The following BICD1 variants were observed in gnomAD, a reference collection of about 807,000 sequenced individuals.
BICD1 encodes the protein protein bicaudal D homolog 1.
In BICD1, 35 loss-of-function variants were observed where a neutral mutation model predicts 92.5. The observed-to-expected ratio is 0.38, with a 90% confidence interval of 0.29 to 0.50. BICD1 has a LOEUF of 0.50. Among genes scored for constraint, BICD1 ranks in the 20% least tolerant of loss-of-function variants. BICD1 has a pLI of 0.93. For synonymous variants in BICD1, 429 were observed against 465.1 expected (o/e 0.92, Z 1.00); for missense variants, 950 against 1,189.8 (o/e 0.80, Z 2.97).
chr12:32,207,887 G>C (rs1036394192), intron 1 of BICD1, among the ~76,000 whole-genome samples: 2 of 152,154 alleles, frequency 1.3e-5, no homozygotes, highest in Non-Finnish European at 2.9e-5. Flanking sequence ...CAAATGAGTA[G>C]GGAGCTGCTC....
intron 8 of BICD1, among the ~76,000 whole-genome samples, chr12:32,342,124 A>ATGTATATATATATGTGTGTATATATATC (rs1196895417): frequency 1.2e-5 from 1 of 83,850 alleles, no homozygotes; most frequent in African/African-American, 6.5e-5. Flanking sequence ...TTACATATAT[A>ATGTATATATATATGTGTGTATATATATC]TGTATATATA....
At chr12:32,302,404 C>G (rs1437317952) in intron 3 of BICD1, among the ~76,000 whole-genome samples, 1 of 152,084 alleles carries the variant, frequency 6.6e-6, no homozygotes, top group Non-Finnish European at 1.5e-5. Flanking sequence ...GAGCACACAC[C>G]AGCCTGGGGA....
chr12:32,363,480 T>C (rs1460932196), intron 8 of BICD1, among the ~76,000 whole-genome samples: 1 of 152,262 alleles, frequency 6.6e-6, no homozygotes, highest in Non-Finnish European at 1.5e-5. Context: ...AATTCCATTC[T>C]GATCATTTCA....
intron 4 of BICD1, among the ~76,000 whole-genome samples, chr12:32,323,354 A>G (rs574641629): frequency 6.6e-6 from 1 of 152,358 alleles, no homozygotes; most frequent in South Asian, 2.1e-4. Context: ...CAGCTAACCA[A>G]TTGTTCACAA....
intron 8 of BICD1, among the ~76,000 whole-genome samples, chr12:32,363,051 A>G (rs1297398477): frequency 6.6e-6 from 1 of 152,150 alleles, no homozygotes; most frequent in African/African-American, 2.4e-5. Context: ...CAGATAACAA[A>G]TGTAAAGTTT....
intron 1 of BICD1, among the ~76,000 whole-genome samples, chr12:32,191,598 TA>T (rs1944567648): frequency 6.8e-6 from 1 of 147,316 alleles, no homozygotes; most frequent in Non-Finnish European, 1.5e-5. Flanking sequence ...ATATAATATG[TA>T]ATATATATAA....
intron 1 of BICD1, among the ~76,000 whole-genome samples, chr12:32,132,956 T>C (rs149382468): frequency 5.9e-5 from 9 of 152,192 alleles, no homozygotes; most frequent in African/African-American, 1.9e-4. Context: ...GGGTATATGT[T>C]GAAAGATTTG....
intron 8 of BICD1, among the ~76,000 whole-genome samples, chr12:32,348,619 A>G (rs2136300333): frequency 6.6e-6 from 1 of 151,608 alleles, no homozygotes; most frequent in East Asian, 2.0e-4. Flanking sequence ...AGGGAGGAAC[A>G]GGTGGGCTGA....
intron 1 of BICD1, among the ~76,000 whole-genome samples, chr12:32,187,399 C>T (rs543379331): frequency 2.0e-5 from 3 of 152,202 alleles, no homozygotes; most frequent in East Asian, 1.9e-4. Context: ...ATGGGCTGGG[C>T]GCGGTGGCTC....
chr12:32,269,029 C>T (rs1947070980), intron 2 of BICD1, among the ~76,000 whole-genome samples: 1 of 152,094 alleles, frequency 6.6e-6, no homozygotes, highest in African/African-American at 2.4e-5. Context: ...ATTTGTAGGT[C>T]TGGGATGGGA....
rs535766050 is a variant in BICD1 at position 32,154,916 on chromosome 12, A to G, written c.213+47372A>G. Among the ~76,000 whole-genome samples, 5 of 152,252 alleles carry G rather than the reference A, an allele frequency of 3.3e-5. No individual in the cohort carries two copies. In the South Asian group the frequency reaches 1.0e-3, roughly 32 times the overall value. On this transcript the variant is annotated intron_variant, in intron 1 of 9. Coordinates refer to ENST00000652176, the MANE Select transcript of BICD1 (RefSeq NM_001714.4). ...CTTTATCCTGTATCCAATTAAAATG[A>G]TCCCTCGTCAGTTTTTCCTCTGATT...
chr12:32,282,249 C>G, intron 2 of BICD1, among the ~76,000 whole-genome samples: 1 of 126,444 alleles, frequency 7.9e-6, no homozygotes, highest in South Asian at 2.7e-4. Flanking sequence ...GACACAGGGT[C>G]TCACTCTGTT....
intron 1 of BICD1, among the ~76,000 whole-genome samples, chr12:32,179,156 G>A (rs1944202259): frequency 6.6e-6 from 1 of 151,856 alleles, no homozygotes; most frequent in Admixed American, 6.6e-5. Flanking sequence ...GTTTAAGAGG[G>A]GTTATGGCAC....
intron 1 of BICD1, among the ~76,000 whole-genome samples, chr12:32,117,345 A>G (rs990326555): frequency 6.6e-6 from 1 of 152,146 alleles, no homozygotes; most frequent in African/African-American, 2.4e-5. Context: ...TACTTTTCCC[A>G]CCACCAGAGC....
intron 1 of BICD1, among the ~76,000 whole-genome samples, chr12:32,209,949 T>G (rs1945165256): frequency 6.6e-6 from 1 of 152,180 alleles, no homozygotes; most frequent in African/African-American, 2.4e-5. Context: ...TTTCAAAAGC[T>G]CAGTAGCCAT....
Position 32,219,381 on chromosome 12 carries a change from A to C in BICD1, c.426+2922A>C, listed in dbSNP as rs139571631. On this transcript the variant is annotated intron_variant, in intron 2 of 9. Coordinates refer to ENST00000652176, the MANE Select transcript of BICD1 (RefSeq NM_001714.4). The stretch of plus-strand genomic sequence containing the variant: ...ACAGGATAGTATGGTGGAAAATGGA[A>C]AAATTGCTGAATTAGGTATTAGAAA... 2.7e-3 allele frequency among the ~76,000 whole-genome samples: 414 copies of C among 152,324 alleles called. 1 individual carries two copies. Among genetic ancestry groups the C allele is most frequent in the African/African-American group, 8.3e-3 (345 of 41,564 alleles).
chr12:32,137,261 G>A (rs1304231380), intron 1 of BICD1, among the ~76,000 whole-genome samples: 1 of 151,916 alleles, frequency 6.6e-6, no homozygotes, highest in Non-Finnish European at 1.5e-5. Context: ...GTTGATTTTT[G>A]TATTTTTAGT....
Position 32,362,795 on chromosome 12 carries a change from G to A in BICD1, c.2765-4875G>A, listed in dbSNP as rs546611006. Among the ~76,000 whole-genome samples, 6 of 152,044 alleles carry A rather than the reference G, an allele frequency of 3.9e-5. No individual in the cohort carries two copies. The South Asian group carries it at 1.0e-3, about 26-fold the overall frequency. ...TGCTGAGCTTGGATTAATCAGTGGA[G>A]GCTTGTAGGACACCTACTGTGATGG... On this transcript the variant is annotated intron_variant, in intron 8 of 9. Coordinates refer to ENST00000652176, the MANE Select transcript of BICD1 (RefSeq NM_001714.4).
At chr12:32,296,800 G>T (rs1486496715) in intron 3 of BICD1, among the ~76,000 whole-genome samples, 1 of 152,102 alleles carries the variant, frequency 6.6e-6, no homozygotes, top group Non-Finnish European at 1.5e-5. Context: ...AGATATTCTT[G>T]AAAGACTGCC....
Sources: allele counts gnomAD v4.1 joint callset (sites outside exome capture counted in the v4.1 genomes callset), GRCh38; gene constraint gnomAD v4.1.1; transcripts MANE v1.5; gene names NCBI Gene and HGNC (gene_info 2026-07-23, HGNC 2026-07-21).